Variants in CBFA2T3 observed in about 807,000 individuals in gnomAD.
CBFA2T3 encodes the protein CBFA2/RUNX1 partner transcriptional co-repressor 3, also known as transcriptional corepressor CBFA2T3.
A neutral mutation model predicts 58.6 loss-of-function variants in CBFA2T3; 31 were observed. The observed-to-expected ratio is 0.53, with a 90% CI of 0.40 to 0.71. The LOEUF (loss-of-function observed/expected upper bound fraction) is 0.71. CBFA2T3 is among the 30% of genes least tolerant of loss of function. The probability of loss-of-function intolerance (pLI) is 0.00; values close to 1 mark genes in which losing one functional copy is unlikely to be tolerated. For missense variants in CBFA2T3, 1,076 were observed against 963.1 expected (o/e 1.12, Z -1.55); for synonymous variants, 531 against 421.9 (o/e 1.26, Z -3.17).
At chr16:88,881,260 T>C in intron 9 of CBFA2T3, 31 bp downstream of exon 9, 1 of 1,579,442 alleles carries the variant, frequency 6.3e-7, no homozygotes, top group Non-Finnish European at 8.6e-7. Context: ...GCACCCCGTG[T>C]CTGCTCCCTC....
chr16:88,932,945 G>A (rs962357174), intron 1 of CBFA2T3, among the ~76,000 whole-genome samples: 6 of 152,000 alleles, frequency 3.9e-5, no homozygotes. Context: ...CTCCAGCCTG[G>A]GCGACAGAGT....
chr16:88,948,425 G>T (rs1414753778), intron 1 of CBFA2T3, among the ~76,000 whole-genome samples: 1 of 152,222 alleles, frequency 6.6e-6, no homozygotes, highest in East Asian at 1.9e-4. Flanking sequence ...GACCCACACT[G>T]GCCCAAGCAG....
rs575048798 is a variant in CBFA2T3, at chr16:88,973,807, TGGGCTCCAGCCA to T, written c.151+2838_151+2849del. On this transcript the variant is annotated intron_variant, in intron 1 of 11. Transcript: ENST00000268679. ...CTCTGGACGTGACCCCTTTGCCAGG[TGGGCTCCAGCCA>T]GGGCTCAAGCTTCCTGCACGGATGG... Among the ~76,000 whole-genome samples the T allele has an allele frequency of 8.3e-3, 1,264 of 152,260 alleles. 13 individuals are homozygous for T. Among genetic ancestry groups the T allele is most frequent in the Admixed American group, 0.011 (163 of 15,304 alleles).
chr16:88,905,089 C>T (rs1597704229), intron 1 of CBFA2T3, among the ~76,000 whole-genome samples: 2 of 152,102 alleles, frequency 1.3e-5, no homozygotes, highest in East Asian at 3.9e-4. Flanking sequence ...AAGAGAACAG[C>T]CTAGGAGTTG....
intron 1 of CBFA2T3, among the ~76,000 whole-genome samples, chr16:88,929,267 C>T (rs770874813): frequency 2.3e-4 from 29 of 126,566 alleles, no homozygotes; most frequent in Non-Finnish European, 3.6e-4. Context: ...TGAACCAGCC[C>T]GTGACCTCAG....
chr16:88,895,228 G>C (rs776993691), intron 3 of CBFA2T3, among the ~76,000 whole-genome samples: 4 of 152,198 alleles, frequency 2.6e-5, no homozygotes, highest in Non-Finnish European at 5.9e-5. Flanking sequence ...CTCCAACAAG[G>C]CCCTTCTGAG....
intron 1 of CBFA2T3, among the ~76,000 whole-genome samples, chr16:88,954,108 C>G (rs1972145973): frequency 1.3e-5 from 2 of 152,166 alleles, no homozygotes; most frequent in Non-Finnish European, 2.9e-5. Context: ...CACTCCTCCT[C>G]TGAAGACCCC....
chr16:88,924,915 A>G (rs1567611597), intron 1 of CBFA2T3, among the ~76,000 whole-genome samples: 1 of 152,200 alleles, frequency 6.6e-6, no homozygotes, highest in East Asian at 1.9e-4. Flanking sequence ...AAGGCCACAG[A>G]GCCACACTCC....
At chr16:88,896,306 C>T (rs753094417) in intron 3 of CBFA2T3, among the ~76,000 whole-genome samples, 3 of 152,200 alleles carry the variant, frequency 2.0e-5, no homozygotes, top group African/African-American at 4.8e-5. Flanking sequence ...TCCCCTCAAC[C>T]GGGCAACCTG....
At chr16:88,906,630 G>A (rs1330531454) in intron 1 of CBFA2T3, among the ~76,000 whole-genome samples, 1 of 152,228 alleles carries the variant, frequency 6.6e-6, no homozygotes, top group East Asian at 1.9e-4. Context: ...AGAAGTGGCA[G>A]GAAGGGCTAA....
intron 1 of CBFA2T3, chr16:88,951,557 G>T (rs978140625): frequency 1.1e-5 from 4 of 364,928 alleles, no homozygotes; most frequent in Non-Finnish European, 2.1e-5. Context: ...TGGCGACCGG[G>T]TTGCTGCCAT....
At position 88,879,328 on chromosome 16, in the gene CBFA2T3, T is replaced by G. The variant is rs1221305717; in HGVS notation, c.1604A>C (p.Lys535Thr). 6.2e-7 allele frequency: 1 copy of G among 1,611,126 alleles called. No individual in the cohort carries two copies. Among genetic ancestry groups the G allele is most frequent in the Non-Finnish European group, 8.5e-7 (1 of 1,178,696 alleles). ...CAGGGCGTCCTCGGAGGCCTGCCGC[T>G]TCGCCTCGGCCAGGGCCCGCTCCAT... ...AKMERALAEA[K>T]RQASEDALTV... The change falls in exon 11 of 12, where the codon AAG becomes ACG. Residue 535 changes from lysine (K) to threonine (T), a missense_variant. Coordinates refer to ENST00000268679, the MANE Select transcript of CBFA2T3 (RefSeq NM_005187.6).
chr16:88,975,164 A>G (rs28684833), intron 1 of CBFA2T3, among the ~76,000 whole-genome samples: 3,401 of 107,112 alleles, frequency 0.032, 116 homozygotes, highest in Middle Eastern at 0.072. Context: ...GTCCACCCTG[A>G]CCCTCTCTGC....
intron 11 of CBFA2T3, among the ~76,000 whole-genome samples, chr16:88,877,679 GC>G (rs1288179724): frequency 6.6e-6 from 1 of 151,496 alleles, no homozygotes; most frequent in East Asian, 1.9e-4. Context: ...CCCCACCTCT[GC>G]CCCACCCCTG....
Position 88,953,562 on chromosome 16 carries a change from G to T in CBFA2T3, c.151+23095C>A, listed in dbSNP as rs1280486659. ...AGCAGTGGGGATCAGGATCTGGCAG[G>T]ATCGGAATGTAGAGGCCTGGGGGCT... On this transcript the variant is annotated intron_variant, in intron 1 of 11. Coordinates refer to ENST00000268679, the MANE Select transcript of CBFA2T3 (RefSeq NM_005187.6). This position sits in a 1 kb window ranked among gnomAD's most constrained non-coding sequence, Gnocchi z 4.9. 1.3e-5 allele frequency among the ~76,000 whole-genome samples: 2 copies of T among 151,756 alleles called. No homozygotes were observed. Among genetic ancestry groups the T allele is most frequent in the Non-Finnish European group, 2.9e-5 (2 of 68,008 alleles).
chr16:88,876,459 C>A lies in CBFA2T3; in HGVS notation c.*517G>T, dbSNP rs1360729793. ...CCCTTTTTAATCAGGAGGGGGAGAA[C>A]CCCCCCGTTTTCTTTGTCCATTTCT... On this transcript the variant is annotated 3_prime_UTR_variant, in exon 12 of 12. Transcript: ENST00000268679. 1 of 229,032 alleles carries A rather than the reference C, an allele frequency of 4.4e-6. No homozygotes were observed. The highest frequency in any genetic ancestry group is 8.7e-6 in the Non-Finnish European group (1 of 115,436). 14.2% of individuals were successfully genotyped at this position (229,032 alleles called of 1,614,324 possible). A position where few individuals can be genotyped will look rare whatever the true frequency, so the allele number is the denominator to read the frequency against.
At chr16:88,964,281 C>A (rs530651947) in intron 1 of CBFA2T3, among the ~76,000 whole-genome samples, 1 of 152,352 alleles carries the variant, frequency 6.6e-6, no homozygotes, top group African/African-American at 2.4e-5. Flanking sequence ...CTGGGGCAGG[C>A]CCCATGCCCT....
At chr16:88,933,983 A>G (rs1971402902) in intron 1 of CBFA2T3, among the ~76,000 whole-genome samples, 1 of 152,208 alleles carries the variant, frequency 6.6e-6, no homozygotes, top group Non-Finnish European at 1.5e-5. Flanking sequence ...AAATCAGTGC[A>G]TGTCGAAAAT....
chr16:88,957,065 T>C (rs746343724), intron 1 of CBFA2T3, among the ~76,000 whole-genome samples: 1 of 152,168 alleles, frequency 6.6e-6, no homozygotes, highest in African/African-American at 2.4e-5. Flanking sequence ...TCTACGTCTT[T>C]GTCACGCTCT....
Sources: gnomAD v4.1 joint callset for allele counts (sites outside exome capture counted in the v4.1 genomes callset) on GRCh38, gnomAD v4.1.1 for gene constraint, Gnocchi (gnomAD v3.1) non-coding constraint, MANE v1.5 for transcripts, NCBI Gene and HGNC (gene_info 2026-07-23, HGNC 2026-07-21) for gene names.